The following NIPBL variants were observed in gnomAD, a reference collection of about 807,000 sequenced individuals.
The protein encoded by NIPBL is NIPBL cohesin loading factor, also known as nipped-B-like protein.
In NIPBL, 19 loss-of-function variants were observed where a neutral mutation model predicts 321.8. The observed-to-expected ratio is 0.06, with a 90% CI of 0.04 to 0.09. NIPBL has a LOEUF of 0.09. Ranked by LOEUF, NIPBL falls within the 10% of genes least tolerant of loss-of-function variation. NIPBL has a pLI of 1.00. For synonymous variants in NIPBL, 1,106 were observed against 1,114.1 expected (o/e 0.99, Z 0.14); for missense variants, 2,210 against 3,327.0 (o/e 0.66, Z 8.26).
At chr5:37,022,008 A>T (rs746956156) in intron 27 of NIPBL, 43 bp from the exon 28 acceptor site, 1 of 1,423,570 alleles carries the variant, frequency 7.0e-7, no homozygotes, top group Non-Finnish European at 9.9e-7. Flanking sequence ...ATTAAATTTT[A>T]TGTATTCTAA....
intron 1 of NIPBL, among the ~76,000 whole-genome samples, chr5:36,914,517 A>C (rs942878243): frequency 6.6e-6 from 1 of 152,234 alleles, no homozygotes; most frequent in Non-Finnish European, 1.5e-5. Flanking sequence ...TTTAATGCGC[A>C]AAAGTATTAG....
chr5:36,901,500 C>CTTTTT (rs35178851), intron 1 of NIPBL, among the ~76,000 whole-genome samples: 3 of 77,412 alleles, frequency 3.9e-5, no homozygotes, highest in African/African-American at 1.1e-4. Context: ...CTTCTAAGTC[C>CTTTTT]TTTTTTTTTT....
chr5:36,987,665 C>G (rs1035793507), intron 10 of NIPBL, among the ~76,000 whole-genome samples: 20 of 152,070 alleles, frequency 1.3e-4, no homozygotes, highest in African/African-American at 4.8e-4. Context: ...TTCCTTTTGT[C>G]TTACAATAAT....
At chr5:36,916,403 A>G (rs1748461450) in intron 1 of NIPBL, among the ~76,000 whole-genome samples, 1 of 152,238 alleles carries the variant, frequency 6.6e-6, no homozygotes, top group Non-Finnish European at 1.5e-5. Context: ...TAAATTGGAC[A>G]TGTCAGGTTG....
rs1465544052 is a variant in NIPBL at position 37,016,177 on chromosome 5, G to C, written c.4776+7G>C. 5 of 1,613,164 alleles carry C rather than the reference G, an allele frequency of 3.1e-6. No homozygotes were observed. Among genetic ancestry groups the C allele is most frequent in the Non-Finnish European group, 3.4e-6 (4 of 1,179,342 alleles). ...TTTGTTAGGGAGACTGTTGGTAAGAGTATAGCATTTAAAGATTATTAGATT... is the reference window on the plus strand; with the variant it reads ...TTTGTTAGGGAGACTGTTGGTAAGACTATAGCATTTAAAGATTATTAGATT... On this transcript the variant is annotated splice_region_variant and intron_variant, in intron 23 of 46. Coordinates refer to ENST00000282516, the MANE Select transcript of NIPBL (RefSeq NM_133433.4).
chr5:36,975,002 G>A (rs1743285046), intron 8 of NIPBL, among the ~76,000 whole-genome samples: 1 of 151,876 alleles, frequency 6.6e-6, no homozygotes, highest in Non-Finnish European at 1.5e-5. Flanking sequence ...TTATTAACTA[G>A]GATAATTTTT....
In NIPBL at chr5:36,961,678, T is replaced by A. The variant is rs1361516584; in HGVS notation, c.458+95T>A. On this transcript the variant is annotated intron_variant, in intron 5 of 46. Transcript: ENST00000282516. The stretch of plus-strand genomic sequence containing the variant: ...ATACATTTAGGTAATGGTGGATTAT[T>A]TAGAGTTTAAATAGTTGAAATACTT... 4 of 882,036 alleles carry A rather than the reference T, an allele frequency of 4.5e-6. No individual in the cohort carries two copies. In the Admixed American group the frequency reaches 7.0e-5, roughly 15 times the overall value. 54.6% of individuals were successfully genotyped at this position (882,036 alleles called of 1,614,324 possible). A position where few individuals can be genotyped will look rare whatever the true frequency, so the allele number is the denominator to read the frequency against.
intron 6 of NIPBL, 50 bp downstream of exon 6, chr5:36,962,324 C>G (rs1453694642): frequency 1.3e-6 from 2 of 1,595,404 alleles, no homozygotes; most frequent in African/African-American, 2.7e-5. Flanking sequence ...TGCTTTAATT[C>G]CAAGCAAATT....
intron 1 of NIPBL, among the ~76,000 whole-genome samples, chr5:36,902,930 ACT>A (rs1747343993): frequency 6.7e-6 from 1 of 149,582 alleles, no homozygotes; most frequent in East Asian, 2.0e-4. Context: ...GTTTTTGTAA[ACT>A]CTGATTTTTT....
intron 44 of NIPBL, among the ~76,000 whole-genome samples, 168 bp downstream of exon 44, chr5:37,059,333 G>A (rs770348313): frequency 3.8e-4 from 57 of 151,934 alleles, no homozygotes; most frequent in Non-Finnish European, 6.6e-4. Context: ...ATGGTGAAAC[G>A]CCATCTCTAT....
intron 32 of NIPBL, among the ~76,000 whole-genome samples, chr5:37,031,213 A>T (rs186173): frequency 0.58 from 87,892 of 151,898 alleles, 28,006 homozygotes; most frequent in African/African-American, 0.86. Context: ...CTTGAACTCC[A>T]GACCTCAGGT....
intron 1 of NIPBL, among the ~76,000 whole-genome samples, chr5:36,880,111 A>C (rs938455241): frequency 1.5e-5 from 2 of 132,454 alleles, no homozygotes; most frequent in African/African-American, 5.7e-5. Flanking sequence ...CTTCATAGTA[A>C]TCATTATTAA....
At chr5:37,004,397 C>T (rs62354964) in intron 16 of NIPBL, among the ~76,000 whole-genome samples, 1 of 151,722 alleles carries the variant, frequency 6.6e-6, no homozygotes, top group African/African-American at 2.4e-5. Flanking sequence ...TTCTTTCTCT[C>T]CCTTTTTTTT....
chr5:37,044,695 T>C lies in NIPBL; in HGVS notation c.6309T>C (p.Phe2103=). The change falls in exon 36 of 47, where the codon TTT becomes TTC. Residue 2103 remains phenylalanine (F), a synonymous_variant. Transcript: ENST00000282516. The stretch of plus-strand genomic sequence containing the variant: ...TTGTAAATAAAGTGACACAAAATTT[T>C]AAATTTGTGTGGGCTTGTTTCAATA... ...GAVVNKVTQN[F]KFVWACFNRY... The C allele has an allele frequency of 6.2e-7, 1 of 1,613,782 alleles. No homozygotes were observed. The highest frequency in any genetic ancestry group is 8.5e-7 in the Non-Finnish European group (1 of 1,179,716).
chr5:36,920,605 A>G (rs1410738658), intron 1 of NIPBL, among the ~76,000 whole-genome samples: 1 of 152,196 alleles, frequency 6.6e-6, no homozygotes, highest in East Asian at 1.9e-4. Context: ...ATCTATTTCA[A>G]AAAATGTACG....
intron 41 of NIPBL, 91 bp from the exon 42 acceptor site, chr5:37,052,271 CAATG>C (rs200564731): frequency 0.023 from 21,880 of 956,858 alleles, 338 homozygotes; most frequent in Middle Eastern, 0.056. Context: ...TAAAAAAAAA[CAATG>C]AAGCTAGCCT....
chr5:36,932,108 G>C (rs939237047), intron 1 of NIPBL, among the ~76,000 whole-genome samples: 2 of 151,988 alleles, frequency 1.3e-5, no homozygotes, highest in Non-Finnish European at 2.9e-5. Flanking sequence ...TGTTGTCAGG[G>C]AACACCCTTT....
intron 1 of NIPBL, among the ~76,000 whole-genome samples, chr5:36,894,974 G>A (rs1427130066): frequency 2.0e-5 from 3 of 152,148 alleles, no homozygotes; most frequent in African/African-American, 7.2e-5. Flanking sequence ...CATCTGGACT[G>A]GTTTGAAGAG....
At position 37,000,899 on chromosome 5, in the gene NIPBL, AGTTT is replaced by A; in HGVS notation, c.3574+12_3574+15del. ...AACTAACACCTGAAGGTAACACGTT[AGTTT>A]ATTTAATTTGTCTTTATTCATATTC... On this transcript the variant is annotated intron_variant, in intron 13 of 46. Transcript: ENST00000282516. 6.2e-7 allele frequency: 1 copy of A among 1,605,046 alleles called. No individual in the cohort carries two copies. The highest frequency in any genetic ancestry group is 2.2e-5 in the East Asian group (1 of 44,692).
Sources: allele counts gnomAD v4.1 joint callset (sites outside exome capture counted in the v4.1 genomes callset), GRCh38; gene constraint gnomAD v4.1.1; transcripts MANE v1.5; gene names NCBI Gene and HGNC (gene_info 2026-07-23, HGNC 2026-07-21).